Variants in ARB2A observed in about 807,000 individuals in gnomAD.
The protein encoded by ARB2A is cotranscriptional regulator ARB2A.
At chr5:93,978,456 T>A in the ARB2A span, among the ~76,000 whole-genome samples, 3 of 152,276 alleles carry the variant, frequency 2.0e-5, no homozygotes, top group East Asian at 5.8e-4. Context: ...TGAAATCATG[T>A]CCTTTGCAGC....
At chr5:93,778,317 C>CT in the ARB2A span, among the ~76,000 whole-genome samples, 1 of 152,106 alleles carries the variant, frequency 6.6e-6, no homozygotes, top group Non-Finnish European at 1.5e-5. Flanking sequence ...TCAGAGAGTT[C>CT]TAGATAATGC....
chr5:93,792,855 A>G, the ARB2A span, among the ~76,000 whole-genome samples: 1 of 152,042 alleles, frequency 6.6e-6, no homozygotes, highest in Non-Finnish European at 1.5e-5. Context: ...TATAATAATA[A>G]TAAAAAAATA....
At chr5:93,740,872 C>T in the ARB2A span, 16 of 1,613,868 alleles carry the variant, frequency 9.9e-6, no homozygotes, top group Admixed American at 1.7e-5. Flanking sequence ...CTTAGGGCAC[C>T]GCTGGAAGAA....
the ARB2A span, among the ~76,000 whole-genome samples, chr5:94,003,907 C>G: frequency 2.0e-5 from 3 of 151,988 alleles, no homozygotes; most frequent in Admixed American, 2.0e-4. Context: ...AAAAGTAAAA[C>G]AAAGTGAGAG....
At chr5:94,103,356 C>T in the ARB2A span, among the ~76,000 whole-genome samples, 103 of 152,034 alleles carry the variant, frequency 6.8e-4, no homozygotes, top group African/African-American at 2.3e-3. Flanking sequence ...AAAAAAGAGA[C>T]AGATTGCTCT....
At chr5:93,846,275 G>A in the ARB2A span, among the ~76,000 whole-genome samples, 1 of 151,940 alleles carries the variant, frequency 6.6e-6, no homozygotes, top group African/African-American at 2.4e-5. Context: ...AGACTGAGTA[G>A]GGAGGATCAC....
chr5:94,072,358 T>TCA, the ARB2A span, among the ~76,000 whole-genome samples: 3,011 of 149,558 alleles, frequency 0.02, 41 homozygotes, highest in East Asian at 0.045. Context: ...CCAAACACAC[T>TCA]CACACACACA....
chr5:93,829,956 ATTAT>A, the ARB2A span, among the ~76,000 whole-genome samples: 1 of 152,146 alleles, frequency 6.6e-6, no homozygotes, highest in Non-Finnish European at 1.5e-5. Context: ...CTTTATAGTT[ATTAT>A]TTAAACTAAC....
chr5:94,070,378 A>G, the ARB2A span, among the ~76,000 whole-genome samples: 1 of 152,072 alleles, frequency 6.6e-6, no homozygotes, highest in South Asian at 2.1e-4. Flanking sequence ...TTTAATGGGT[A>G]GAAACATACA....
the ARB2A span, among the ~76,000 whole-genome samples, chr5:94,070,284 C>G: frequency 0.089 from 13,494 of 151,934 alleles, 769 homozygotes; most frequent in Middle Eastern, 0.16. Context: ...AAAAGTTGAT[C>G]TCATGGAAGT....
the ARB2A span, among the ~76,000 whole-genome samples, chr5:93,627,874 G>C: frequency 6.6e-6 from 1 of 151,962 alleles, no homozygotes; most frequent in African/African-American, 2.4e-5. Flanking sequence ...AGAACTCTTG[G>C]GTAACCAAGT....
At chr5:94,074,581 T>C in the ARB2A span, 1 of 1,254,084 alleles carries the variant, frequency 8.0e-7, no homozygotes, top group African/African-American at 1.5e-5. Context: ...GAAGGTCACC[T>C]AAATATTCCT....
chr5:94,008,790 T>C, the ARB2A span, among the ~76,000 whole-genome samples: 11 of 152,278 alleles, frequency 7.2e-5, no homozygotes, highest in Non-Finnish European at 1.6e-4. Context: ...ACTATCTTAA[T>C]GTAGTTCTTA....
At chr5:94,041,247 T>C in the ARB2A span, among the ~76,000 whole-genome samples, 1 of 151,846 alleles carries the variant, frequency 6.6e-6, no homozygotes, top group African/African-American at 2.4e-5. Flanking sequence ...TCCTTCTGTA[T>C]TGTCTGTCAT....
chr5:93,958,658 A>G, the ARB2A span: 61 of 721,086 alleles, frequency 8.5e-5, no homozygotes, highest in Non-Finnish European at 1.2e-4. Flanking sequence ...AGTAAAATAA[A>G]TAATAACAAC....
the ARB2A span, among the ~76,000 whole-genome samples, chr5:93,987,516 C>T: frequency 6.6e-6 from 1 of 152,268 alleles, no homozygotes; most frequent in Non-Finnish European, 1.5e-5. Flanking sequence ...TTATCTCCAT[C>T]TCAACTCCAT....
chr5:93,781,920 T>C, the ARB2A span: 1 of 985,264 alleles, frequency 1.0e-6, no homozygotes, highest in Non-Finnish European at 1.2e-6. Context: ...TCCAGGTTTG[T>C]TTCTCTTCGT....
the ARB2A span, chr5:93,741,373 G>A: frequency 6.2e-7 from 1 of 1,612,048 alleles, no homozygotes; most frequent in Admixed American, 1.7e-5. Flanking sequence ...GGGACCCAGG[G>A]GAATCCTCCA....
chr5:93,830,741 G>T, the ARB2A span, among the ~76,000 whole-genome samples: 4 of 152,096 alleles, frequency 2.6e-5, no homozygotes, highest in South Asian at 8.3e-4. Flanking sequence ...TGACATCAGG[G>T]ACCAGTTTTG....
Sources: gnomAD v4.1 joint callset for allele counts (sites outside exome capture counted in the v4.1 genomes callset) on GRCh38, gnomAD v4.1.1 for gene constraint, MANE v1.5 for transcripts, NCBI Gene and HGNC (gene_info 2026-07-23, HGNC 2026-07-21) for gene names.